The following DCDC1 variants were observed in gnomAD, a reference collection of about 807,000 sequenced individuals.
DCDC1 encodes the protein doublecortin domain containing 1.
Under a neutral mutation model 178.3 loss-of-function variants are expected in DCDC1, and 200 were observed. The observed-to-expected ratio is 1.12, with a 90% CI of 1.00 to 1.26. The LOEUF is 1.26. Among genes scored for constraint, DCDC1 ranks in the 50% most tolerant of loss-of-function variants. The pLI, the probability that DCDC1 is intolerant of heterozygous loss-of-function variation, is 0.00. For missense variants in DCDC1, 1,983 were observed against 1,749.2 expected (o/e 1.13, Z -2.38); for synonymous variants, 690 against 604.8 (o/e 1.14, Z -2.07).
chr11:31,081,707 C>T (rs1353233212), intron 17 of DCDC1, among the ~76,000 whole-genome samples: 1 of 152,146 alleles, frequency 6.6e-6, no homozygotes, highest in Non-Finnish European at 1.5e-5. Context: ...TCTGTTCTGG[C>T]ATATCTTTTC....
chr11:31,296,862 C>T (rs1046324872), intron 6 of DCDC1, among the ~76,000 whole-genome samples: 7 of 152,070 alleles, frequency 4.6e-5, no homozygotes, highest in African/African-American at 1.7e-4. Context: ...TGGGGGGGAC[C>T]ACCCCCATGA....
At chr11:31,060,417 A>C (rs2135460649) in intron 20 of DCDC1, among the ~76,000 whole-genome samples, 1 of 152,178 alleles carries the variant, frequency 6.6e-6, no homozygotes, top group African/African-American at 2.4e-5. Flanking sequence ...CTTCAGAAAA[A>C]CCAAGGGACA....
chr11:31,040,228 T>C (rs1021507007), intron 20 of DCDC1, among the ~76,000 whole-genome samples: 3 of 152,158 alleles, frequency 2.0e-5, no homozygotes, highest in African/African-American at 7.2e-5. Flanking sequence ...CTAAGTGTCT[T>C]ACAAAAATGA....
At chr11:31,273,326 C>T (rs960548528) in intron 7 of DCDC1, among the ~76,000 whole-genome samples, 2 of 152,288 alleles carry the variant, frequency 1.3e-5, no homozygotes, top group East Asian at 1.9e-4. Flanking sequence ...ATGCCTTTAA[C>T]GGTACCCAAG....
At chr11:31,065,212 CATCCAACTGGAAAGAGAGGAGGAT>C (rs1322510513) in intron 18 of DCDC1, 59 bp from the exon 19 acceptor site, 41 of 616,716 alleles carry the variant, frequency 6.6e-5, no homozygotes, top group Admixed American at 2.8e-4. Context: ...GCCAAAAATC[CATCCAACTGGAAAGAGAGGAGGAT>C]AAATTACATT....
chr11:31,086,810 G>A (rs762288331), intron 17 of DCDC1, among the ~76,000 whole-genome samples: 9 of 151,864 alleles, frequency 5.9e-5, no homozygotes, highest in Non-Finnish European at 1.3e-4. Flanking sequence ...CTAAAATTTT[G>A]TTAATCATTT....
chr11:31,065,618 A>C (rs1436774533), intron 18 of DCDC1, among the ~76,000 whole-genome samples: 1 of 152,234 alleles, frequency 6.6e-6, no homozygotes, highest in African/African-American at 2.4e-5. Context: ...GAAGTGTCAG[A>C]CACAAGGTAG....
chr11:31,004,237 T>G (rs937334971), intron 20 of DCDC1, among the ~76,000 whole-genome samples: 1 of 152,188 alleles, frequency 6.6e-6, no homozygotes, highest in Non-Finnish European at 1.5e-5. Flanking sequence ...AGTATTTTAT[T>G]GTCAAATAGT....
chr11:31,070,801 C>T (rs1172022599), intron 18 of DCDC1, among the ~76,000 whole-genome samples: 5 of 152,078 alleles, frequency 3.3e-5, no homozygotes, highest in Non-Finnish European at 2.9e-5. Flanking sequence ...AAGGGGTTCC[C>T]TTCATGTCTG....
intron 32 of DCDC1, among the ~76,000 whole-genome samples, chr11:30,902,477 T>A (rs1944759107): frequency 6.6e-6 from 1 of 152,188 alleles, no homozygotes; most frequent in South Asian, 2.1e-4. Context: ...GACAATGTTA[T>A]CTATATAATG....
intron 8 of DCDC1, among the ~76,000 whole-genome samples, chr11:31,259,284 C>T (rs971867826): frequency 2.0e-5 from 3 of 151,970 alleles, no homozygotes; most frequent in Non-Finnish European, 4.4e-5. Flanking sequence ...ACCCGGGAGG[C>T]GGAGGTTGCA....
At chr11:31,131,772 G>A (rs1195759481) in intron 10 of DCDC1, among the ~76,000 whole-genome samples, 1 of 152,158 alleles carries the variant, frequency 6.6e-6, no homozygotes, top group African/African-American at 2.4e-5. Flanking sequence ...ATCATGCATT[G>A]TATTTCACTA....
chr11:31,325,503 G>T (rs1565611374), intron 3 of DCDC1, among the ~76,000 whole-genome samples: 1 of 152,122 alleles, frequency 6.6e-6, no homozygotes, highest in Non-Finnish European at 1.5e-5. Context: ...TTTCTTGTGA[G>T]GGGGCATGTC....
intron 11 of DCDC1, among the ~76,000 whole-genome samples, chr11:31,117,705 C>CG (rs1565306845): frequency 1.4e-5 from 2 of 146,656 alleles, no homozygotes; most frequent in Admixed American, 6.8e-5. Context: ...TATGTTTCTG[C>CG]AAAAAAAAAA....
chr11:31,153,785 AAC>A (rs141063677), intron 9 of DCDC1, among the ~76,000 whole-genome samples: 121 of 132,592 alleles, frequency 9.1e-4, no homozygotes, highest in Non-Finnish European at 9.9e-4. Context: ...TCAGTCTTAA[AAC>A]ACACACACAC....
At chr11:30,899,985 C>T (rs1944541094) in intron 33 of DCDC1, among the ~76,000 whole-genome samples, 2 of 152,104 alleles carry the variant, frequency 1.3e-5, no homozygotes, top group East Asian at 3.9e-4. Flanking sequence ...CTAAAGGGTG[C>T]AATTCTTAAA....
At chr11:31,050,371 C>A (rs1470380300) in intron 20 of DCDC1, among the ~76,000 whole-genome samples, 1 of 152,188 alleles carries the variant, frequency 6.6e-6, no homozygotes, top group African/African-American at 2.4e-5. Flanking sequence ...ACAGTCTGAG[C>A]TCAGACACGC....
intron 20 of DCDC1, among the ~76,000 whole-genome samples, chr11:30,977,055 A>G (rs1252067465): frequency 6.6e-6 from 1 of 152,214 alleles, no homozygotes; most frequent in Non-Finnish European, 1.5e-5. Flanking sequence ...AGAGGTCATT[A>G]TGATAAGTGG....
intron 19 of DCDC1, 22 bp downstream of exon 19, chr11:31,064,997 G>T: frequency 1.4e-6 from 1 of 716,410 alleles, no homozygotes; most frequent in Non-Finnish European, 2.5e-6. Flanking sequence ...TTTCTGTCTT[G>T]CCTCTGGCTC....
Sources: gnomAD v4.1 joint callset for allele counts (sites outside exome capture counted in the v4.1 genomes callset) on GRCh38, gnomAD v4.1.1 for gene constraint, MANE v1.5 for transcripts, NCBI Gene and HGNC (gene_info 2026-07-23, HGNC 2026-07-21) for gene names.